Variants in NAV3 observed in about 807,000 individuals in gnomAD.
NAV3 encodes neuron navigator 3.
A neutral mutation model predicts 244.7 loss-of-function variants in NAV3; 87 were observed. The ratio of observed to expected loss-of-function variants is 0.36; its 90% confidence interval spans 0.30 to 0.42. NAV3 has a LOEUF of 0.42. Ranked by LOEUF, NAV3 falls within the 20% of genes least tolerant of loss-of-function variation. The pLI is 1.00. For synonymous variants in NAV3, 1,126 were observed against 1,042.2 expected (o/e 1.08, Z -1.55); for missense variants, 2,663 against 2,893.3 (o/e 0.92, Z 1.83).
chr12:78,157,368 G>A (rs1044723997), intron 22 of NAV3, among the ~76,000 whole-genome samples: 13 of 150,832 alleles, frequency 8.6e-5, no homozygotes, highest in Admixed American at 8.0e-4. Flanking sequence ...CAGGCAACAG[G>A]GTGAGGCACT....
intron 2 of NAV3, among the ~76,000 whole-genome samples, chr12:77,662,826 A>G (rs1191707954): frequency 1.3e-5 from 2 of 152,162 alleles, no homozygotes; most frequent in Non-Finnish European, 2.9e-5. Flanking sequence ...ATTGACAATT[A>G]AATATTAATA....
At chr12:77,669,835 C>A (rs561892093) in intron 2 of NAV3, among the ~76,000 whole-genome samples, 1 of 152,082 alleles carries the variant, frequency 6.6e-6, no homozygotes, top group East Asian at 1.9e-4. Flanking sequence ...TTAAACTATA[C>A]AACAAATGGA....
At chr12:78,096,064 A>C (rs1373747295) in intron 12 of NAV3, among the ~76,000 whole-genome samples, 2 of 152,192 alleles carry the variant, frequency 1.3e-5, no homozygotes, top group Non-Finnish European at 2.9e-5. Context: ...CAAGAAGAGT[A>C]TTCAGTACTT....
intron 2 of NAV3, among the ~76,000 whole-genome samples, chr12:77,597,778 C>G (rs74104963): frequency 7.0e-4 from 106 of 152,080 alleles, no homozygotes; most frequent in African/African-American, 2.5e-3. Flanking sequence ...AAGCAGCACC[C>G]AAGTCAACTT....
At chr12:78,186,118 C>T (rs544086015) in intron 31 of NAV3, among the ~76,000 whole-genome samples, 3 of 151,782 alleles carry the variant, frequency 2.0e-5, no homozygotes, top group Non-Finnish European at 2.9e-5. Context: ...CAGAAAGACA[C>T]ATGTTCTACT....
chr12:78,145,771 C>T lies in NAV3; in HGVS notation c.4684-598C>T, dbSNP rs533409387. 2.6e-5 allele frequency among the ~76,000 whole-genome samples: 4 copies of T among 152,030 alleles called. No individual in the cohort carries two copies. In the South Asian group the frequency reaches 6.2e-4, roughly 24 times the overall value. On this transcript the variant is annotated intron_variant, in intron 20 of 39. Transcript: ENST00000397909. ...TGTTTCAGTGTTTTCATTGTTTAAG[C>T]GTTTTGCTGACTTGTGATAATTAAA...
intron 23 of NAV3, among the ~76,000 whole-genome samples, chr12:78,166,200 G>T (rs1298854793): frequency 6.6e-6 from 1 of 151,796 alleles, no homozygotes; most frequent in Non-Finnish European, 1.5e-5. Context: ...CACAAGTGTG[G>T]AGACATTTTA....
chr12:77,689,204 T>G (rs1460657199), intron 2 of NAV3, among the ~76,000 whole-genome samples: 1 of 151,936 alleles, frequency 6.6e-6, no homozygotes, highest in Non-Finnish European at 1.5e-5. Flanking sequence ...GCAAAATATG[T>G]TATTCTCATG....
At chr12:78,095,785 T>A (rs1954219417) in intron 12 of NAV3, among the ~76,000 whole-genome samples, 1 of 152,176 alleles carries the variant, frequency 6.6e-6, no homozygotes, top group South Asian at 2.1e-4. Context: ...TGGGTAGGTG[T>A]TTCCATGATA....
intron 2 of NAV3, among the ~76,000 whole-genome samples, chr12:77,641,970 T>C (rs1872434398): frequency 6.6e-6 from 1 of 152,030 alleles, no homozygotes; most frequent in Non-Finnish European, 1.5e-5. Context: ...ACTTAGCAGG[T>C]TCCCCCAAAT....
rs1960986898 is a variant in NAV3, at chr12:78,212,847, C to G, written c.*2330C>G. ...TTTTGTAGTCTTTGTAAAGCCCCAA[C>G]AATAAGTACTTGGTGTCAATGGACT... On this transcript the variant is annotated 3_prime_UTR_variant, in exon 40 of 40. Transcript: ENST00000397909. 1.3e-5 allele frequency: 2 copies of G among 152,586 alleles called. No individual in the cohort carries two copies. Among genetic ancestry groups the G allele is most frequent in the South Asian group, 4.1e-4 (2 of 4,824 alleles). The allele number at this position is 152,586 out of a possible 1,614,324, so 9.5% of individuals were successfully genotyped here.
intron 1 of NAV3, among the ~76,000 whole-genome samples, chr12:77,844,355 A>G (rs1050123844): frequency 6.6e-6 from 1 of 152,180 alleles, no homozygotes; most frequent in Non-Finnish European, 1.5e-5. Context: ...CTCCATCCTC[A>G]TGACTTAATC....
intron 34 of NAV3, among the ~76,000 whole-genome samples, chr12:78,192,928 T>C: frequency 6.6e-6 from 1 of 151,676 alleles, no homozygotes; most frequent in East Asian, 1.9e-4. Flanking sequence ...GGGGTGAGGG[T>C]AAGTGAGGAT....
chr12:77,874,098 A>G (rs1881487156), intron 1 of NAV3, among the ~76,000 whole-genome samples: 1 of 151,870 alleles, frequency 6.6e-6, no homozygotes, highest in African/African-American at 2.4e-5. Flanking sequence ...TTCTTCTCAA[A>G]CCCCCACCCA....
intron 1 of NAV3, among the ~76,000 whole-genome samples, chr12:77,897,925 C>T (rs77017690): frequency 1.3e-5 from 2 of 152,220 alleles, no homozygotes; most frequent in East Asian, 1.9e-4. Flanking sequence ...GCTCTGCCTC[C>T]GAGTGGTTGG....
At chr12:78,016,473 A>T (rs1299721250) in intron 8 of NAV3, among the ~76,000 whole-genome samples, 1 of 151,982 alleles carries the variant, frequency 6.6e-6, no homozygotes, top group Admixed American at 6.6e-5. Context: ...TTATTTACTC[A>T]ACTCCCCTGA....
At chr12:77,999,914 T>G (rs1335396537) in intron 7 of NAV3, among the ~76,000 whole-genome samples, 1 of 152,162 alleles carries the variant, frequency 6.6e-6, no homozygotes, top group African/African-American at 2.4e-5. Context: ...AATAAAGATG[T>G]GTTAAATAGA....
At chr12:77,757,853 G>A (rs1869260909) in intron 2 of NAV3, among the ~76,000 whole-genome samples, 1 of 152,152 alleles carries the variant, frequency 6.6e-6, no homozygotes, top group Non-Finnish European at 1.5e-5. Context: ...AGTGCTTGAT[G>A]CATTATAAAG....
intron 1 of NAV3, among the ~76,000 whole-genome samples, chr12:77,934,343 T>C (rs1386253575): frequency 6.6e-6 from 1 of 152,182 alleles, no homozygotes; most frequent in Non-Finnish European, 1.5e-5. Flanking sequence ...CTGTCCTGAT[T>C]TCAAGTGCTC....
Sources: allele counts gnomAD v4.1 joint callset (sites outside exome capture counted in the v4.1 genomes callset), GRCh38; gene constraint gnomAD v4.1.1; transcripts MANE v1.5; gene names NCBI Gene and HGNC (gene_info 2026-07-23, HGNC 2026-07-21).